The following CCSER1 variants were observed in gnomAD, a reference collection of about 807,000 sequenced individuals.
CCSER1 encodes coiled-coil serine rich protein 1.
In CCSER1, 41 loss-of-function variants were observed where a neutral mutation model predicts 82.0. That is an observed-to-expected ratio of 0.50 (90% CI 0.39 to 0.65). The LOEUF is 0.65. Among genes scored for constraint, CCSER1 ranks in the 30% least tolerant of loss-of-function variants. The pLI is 0.00. For missense variants in CCSER1, 1,119 were observed against 1,064.2 expected, an observed-to-expected ratio of 1.05 and a Z score of -0.72; for synonymous variants, 414 against 383.9, an observed-to-expected ratio of 1.08 and a Z score of -0.92.
intron 9 of CCSER1, among the ~76,000 whole-genome samples, chr4:90,945,197 G>A (rs1338621654): frequency 6.6e-6 from 1 of 151,772 alleles, no homozygotes; most frequent in Admixed American, 6.6e-5. Context: ...TTTTTTTTCT[G>A]GATGTGTGTC....
At chr4:90,406,811 A>G (rs530242173) in intron 4 of CCSER1, among the ~76,000 whole-genome samples, 14 of 152,322 alleles carry the variant, frequency 9.2e-5, no homozygotes, top group African/African-American at 3.4e-4. Flanking sequence ...GAACTGAATG[A>G]TAATAGTGAT....
intron 10 of CCSER1, among the ~76,000 whole-genome samples, chr4:91,223,853 A>G (rs1737942472): frequency 6.6e-6 from 1 of 152,172 alleles, no homozygotes; most frequent in Admixed American, 6.6e-5. Flanking sequence ...GAGCAACCAC[A>G]GATGTATTGG....
chr4:91,472,325 G>T (rs1302454361), intron 10 of CCSER1, among the ~76,000 whole-genome samples: 2 of 152,142 alleles, frequency 1.3e-5, no homozygotes, highest in Non-Finnish European at 2.9e-5. Flanking sequence ...GTCTTGGCTG[G>T]AATTCATATT....
At position 91,598,792 on chromosome 4, in the gene CCSER1, T is replaced by TC. The variant is rs777774218; in HGVS notation, c.2439dup (p.Thr814HisfsTer22). On this transcript the variant is annotated frameshift_variant, in exon 11 of 11. Coordinates refer to ENST00000509176, the MANE Select transcript of CCSER1 (RefSeq NM_001145065.2). LOFTEE classifies it high-confidence loss of function. ...CATTCAAGAGGAACTTATGAAACCCTCACTTCAGACGTTACACAGAACTTA... is the reference window on the plus strand; with the variant it reads ...CATTCAAGAGGAACTTATGAAACCCTCCACTTCAGACGTTACACAGAACTTA... 99 of 1,551,524 alleles carry TC rather than the reference T, an allele frequency of 6.4e-5. No homozygotes were observed. The highest frequency in any genetic ancestry group is 3.9e-5 in the Admixed American group (2 of 50,964).
intron 3 of CCSER1, among the ~76,000 whole-genome samples, chr4:90,368,023 TAATA>T (rs1746579242): frequency 6.6e-6 from 1 of 151,954 alleles, no homozygotes; most frequent in Admixed American, 6.6e-5. Flanking sequence ...TGAAATTCAA[TAATA>T]AATAATCATA....
At chr4:90,848,528 CT>C (rs895796848) in intron 8 of CCSER1, among the ~76,000 whole-genome samples, 2 of 152,140 alleles carry the variant, frequency 1.3e-5, no homozygotes, top group African/African-American at 2.4e-5. Flanking sequence ...CTTTTCTCCC[CT>C]ATTAGTCATC....
chr4:90,811,802 G>A (rs74340473), intron 7 of CCSER1, among the ~76,000 whole-genome samples: 3,312 of 151,944 alleles, frequency 0.022, 127 homozygotes, highest in African/African-American at 0.075. Flanking sequence ...GTACTTAAGA[G>A]CTGGAGCTTG....
chr4:91,000,814 A>G (rs777383593), intron 9 of CCSER1, among the ~76,000 whole-genome samples: 20 of 152,188 alleles, frequency 1.3e-4, no homozygotes, highest in Non-Finnish European at 2.4e-4. Flanking sequence ...TATCAGTTCC[A>G]GGAGTTTTCT....
At chr4:91,040,826 C>T (rs1320981013) in intron 9 of CCSER1, among the ~76,000 whole-genome samples, 1 of 152,036 alleles carries the variant, frequency 6.6e-6, no homozygotes, top group Non-Finnish European at 1.5e-5. Flanking sequence ...ATAGTTTTGC[C>T]CTTTCTACCT....
At chr4:91,033,923 T>G (rs1741207329) in intron 9 of CCSER1, among the ~76,000 whole-genome samples, 1 of 152,132 alleles carries the variant, frequency 6.6e-6, no homozygotes, top group Admixed American at 6.6e-5. Flanking sequence ...TTGAGTTGCC[T>G]CTAAGTCCCT....
intron 10 of CCSER1, among the ~76,000 whole-genome samples, chr4:91,234,936 A>T (rs890657117): frequency 2.6e-5 from 4 of 152,052 alleles, no homozygotes; most frequent in Non-Finnish European, 4.4e-5. Context: ...GATTAGTTTC[A>T]TCAAAGCAGT....
chr4:91,261,782 G>A (rs762787277), intron 10 of CCSER1, among the ~76,000 whole-genome samples: 9 of 152,124 alleles, frequency 5.9e-5, no homozygotes, highest in Non-Finnish European at 1.3e-4. Context: ...TTATGTTATA[G>A]TTTTTGTCTT....
intron 1 of CCSER1, among the ~76,000 whole-genome samples, chr4:90,140,657 CTTTTTTTTTTTTTTT>C (rs34194245): frequency 1.6e-5 from 1 of 63,602 alleles, no homozygotes; most frequent in Non-Finnish European, 2.8e-5. Context: ...TTTTGGTCTA[CTTTTTTTTTTTTTTT>C]TTTTTTTTTT....
At chr4:91,333,219 C>G (rs1747080817) in intron 10 of CCSER1, among the ~76,000 whole-genome samples, 1 of 151,934 alleles carries the variant, frequency 6.6e-6, no homozygotes, top group African/African-American at 2.4e-5. Flanking sequence ...ATTCTGAATA[C>G]AGTATAATGC....
intron 7 of CCSER1, among the ~76,000 whole-genome samples, chr4:90,749,706 G>T (rs1458985440): frequency 6.6e-6 from 1 of 152,028 alleles, no homozygotes; most frequent in Non-Finnish European, 1.5e-5. Flanking sequence ...GGACATTTGG[G>T]TTGGTTCCAA....
In CCSER1 at chr4:90,141,020, ATATCTATCTATCTATCTATC is replaced by A. The variant is rs60163485; in HGVS notation, c.-42+13213_-42+13232del. On this transcript the variant is annotated intron_variant, in intron 1 of 10. Transcript: ENST00000509176. ...GTGTTCTCCAGAGAAACCCAGCAAGATATCTATCTATCTATCTATCTATCTATCTATCTATCTATCTATTG... is the reference window on the plus strand; with the variant it reads ...GTGTTCTCCAGAGAAACCCAGCAAGATATCTATCTATCTATCTATCTATTG... Among the ~76,000 whole-genome samples, 7 of 145,984 alleles carry A rather than the reference ATATCTATCTATCTATCTATC, an allele frequency of 4.8e-5. No homozygotes were observed. The East Asian group carries it at 1.0e-3, about 21-fold the overall frequency.
intron 10 of CCSER1, among the ~76,000 whole-genome samples, chr4:91,374,383 T>C (rs1182483509): frequency 1.3e-5 from 2 of 152,164 alleles, no homozygotes; most frequent in Non-Finnish European, 2.9e-5. Flanking sequence ...CCATTTACCA[T>C]TCTGAAAATC....
intron 10 of CCSER1, among the ~76,000 whole-genome samples, chr4:91,177,016 T>G (rs1322631627): frequency 1.3e-5 from 2 of 151,958 alleles, no homozygotes; most frequent in Non-Finnish European, 2.9e-5. Flanking sequence ...TTATTGAGAG[T>G]TTTTAGCATG....
intron 1 of CCSER1, among the ~76,000 whole-genome samples, chr4:90,252,646 T>G (rs1246928228): frequency 6.6e-6 from 1 of 151,884 alleles, no homozygotes; most frequent in Non-Finnish European, 1.5e-5. Context: ...TTATATTATT[T>G]TAGTTATTTT....
Sources: allele counts gnomAD v4.1 joint callset (sites outside exome capture counted in the v4.1 genomes callset), GRCh38; gene constraint gnomAD v4.1.1; transcripts MANE v1.5; gene names NCBI Gene and HGNC (gene_info 2026-07-23, HGNC 2026-07-21).